Variants in ISY1 observed in about 807,000 individuals in gnomAD.
The protein encoded by ISY1 is pre-mRNA-splicing factor ISY1 homolog.
In ISY1, 12 loss-of-function variants were observed where a neutral mutation model predicts 54.4. That is an observed-to-expected ratio of 0.22 (90% CI 0.14 to 0.36). The LOEUF (loss-of-function observed/expected upper bound fraction) is 0.36. Among genes scored for constraint, ISY1 ranks in the 10% least tolerant of loss-of-function variants. ISY1 has a pLI of 1.00. For synonymous variants in ISY1, 96 were observed against 117.9 expected (o/e 0.81, Z 1.20); for missense variants, 282 against 342.2 (o/e 0.82, Z 1.39).
At chr3:129,144,103 T>C in intron 6 of ISY1, 1 of 419,940 alleles carries the variant, frequency 2.4e-6, no homozygotes, top group South Asian at 1.7e-5. Flanking sequence ...AATGAGCTGC[T>C]TTTAAGCTGC....
chr3:129,130,407 G>A (rs1384484794), intron 10 of ISY1, 143 bp downstream of exon 10: 3 of 1,202,108 alleles, frequency 2.5e-6, no homozygotes, highest in Non-Finnish European at 3.4e-6. Flanking sequence ...CCCACACCCT[G>A]AACACAATGA....
chr3:129,142,262 T>C (rs1272330686), intron 6 of ISY1, among the ~76,000 whole-genome samples: 2 of 149,732 alleles, frequency 1.3e-5, no homozygotes, highest in African/African-American at 4.9e-5. Flanking sequence ...TGACCCCAGA[T>C]CAGGTCCTGT....
intron 7 of ISY1, 86 bp from the exon 8 acceptor site, chr3:129,135,040 C>T (rs555436679): frequency 2.0e-5 from 29 of 1,469,330 alleles, no homozygotes; most frequent in East Asian, 7.8e-5. Context: ...TATACACACA[C>T]GTGGCACGTA....
At chr3:129,134,717 T>A in intron 8 of ISY1, 115 bp downstream of exon 8, 1 of 1,370,238 alleles carries the variant, frequency 7.3e-7, no homozygotes. Flanking sequence ...CTGAAGATCA[T>A]TAGCAACAAA....
rs373512790 is a variant in ISY1 at position 129,156,957 on chromosome 3, T to C, written c.79-37A>G. On this transcript the variant is annotated intron_variant, in intron 3 of 10. Transcript: ENST00000393295. ...AAAATAACACATTTCCATTATACTATTTACAAGTTTCAAACAACATTCAGA... is the reference window on the plus strand; with the variant it reads ...AAAATAACACATTTCCATTATACTACTTACAAGTTTCAAACAACATTCAGA... 17 of 1,608,280 alleles carry C rather than the reference T, an allele frequency of 1.1e-5. No individual in the cohort carries two copies. In the African/African-American group the frequency reaches 2.0e-4, roughly 19 times the overall value.
chr3:129,147,615 A>AT (rs1171889130), intron 5 of ISY1, among the ~76,000 whole-genome samples: 1 of 151,974 alleles, frequency 6.6e-6, no homozygotes, highest in Middle Eastern at 3.4e-3. Flanking sequence ...CACAAGTTTT[A>AT]TTTTTTTTAT....
intron 6 of ISY1, among the ~76,000 whole-genome samples, chr3:129,143,602 TTA>T (rs1292993389): frequency 1.3e-5 from 2 of 151,466 alleles, no homozygotes; most frequent in African/African-American, 4.8e-5. Context: ...CTTGTACAGT[TTA>T]GAGAATAAAG....
chr3:129,158,248 C>CA (rs1437190761), intron 3 of ISY1, among the ~76,000 whole-genome samples: 2 of 151,020 alleles, frequency 1.3e-5, no homozygotes, highest in African/African-American at 4.9e-5. Context: ...AAGACTCCTG[C>CA]ATTCAAGTGA....
At chr3:129,140,555 T>C (rs1936577099) in intron 6 of ISY1, 70 bp from the exon 7 acceptor site, 7 of 1,474,352 alleles carry the variant, frequency 4.7e-6, no homozygotes, top group Non-Finnish European at 2.8e-6. Flanking sequence ...ATTTATTTAT[T>C]TGAGGCGGAG....
chr3:129,155,140 C>T (rs1937098733), intron 5 of ISY1, among the ~76,000 whole-genome samples: 2 of 151,854 alleles, frequency 1.3e-5, no homozygotes, highest in Admixed American at 1.3e-4. Flanking sequence ...AGGGTAGAAG[C>T]TTAGATCACT....
chr3:129,159,007 T>G (rs1937225649), intron 2 of ISY1, 147 bp downstream of exon 2: 10 of 1,078,618 alleles, frequency 9.3e-6, no homozygotes, highest in Admixed American at 2.8e-5. Flanking sequence ...AACAGGAATG[T>G]TTTTGCATAT....
At chr3:129,143,911 C>T (rs116562168) in intron 6 of ISY1, among the ~76,000 whole-genome samples, 4,831 of 152,004 alleles carry the variant, frequency 0.032, 111 homozygotes, top group Non-Finnish European at 0.049. Flanking sequence ...CTTCTTTGTA[C>T]TTTTCTGAAC....
intron 6 of ISY1, 125 bp from the exon 7 acceptor site, chr3:129,140,610 C>T (rs1009850961): frequency 5.6e-6 from 6 of 1,071,858 alleles, no homozygotes; most frequent in Admixed American, 5.4e-5. Flanking sequence ...GAGTCTCGCT[C>T]TGTTGCCCAG....
chr3:129,136,061 A>G (rs1430373478), intron 7 of ISY1, among the ~76,000 whole-genome samples: 1 of 152,166 alleles, frequency 6.6e-6, no homozygotes, highest in Non-Finnish European at 1.5e-5. Flanking sequence ...AAAGCCCTAA[A>G]GAAGATATTT....
intron 2 of ISY1, 114 bp downstream of exon 2, chr3:129,159,036 TAAAG>T (rs1937227856): frequency 1.8e-5 from 23 of 1,313,292 alleles, no homozygotes; most frequent in Non-Finnish European, 2.4e-5. Context: ...ATAACATATG[TAAAG>T]AAAGAAACAG....
chr3:129,159,352 G>A (rs888050689), intron 1 of ISY1, among the ~76,000 whole-genome samples, 176 bp from the exon 2 acceptor site: 32 of 152,216 alleles, frequency 2.1e-4, no homozygotes, highest in African/African-American at 7.7e-4. Context: ...GACCAAGGCT[G>A]CTCCTCCCTC....
At chr3:129,136,510 CT>C (rs376880059) in intron 7 of ISY1, among the ~76,000 whole-genome samples, 26 of 151,576 alleles carry the variant, frequency 1.7e-4, no homozygotes, top group African/African-American at 5.3e-4. Context: ...ATGTTTTTTT[CT>C]TTTTTTTGTG....
chr3:129,149,636 T>TATATATATATACAC (rs759382962), intron 5 of ISY1, among the ~76,000 whole-genome samples: 5 of 54,702 alleles, frequency 9.1e-5, no homozygotes, highest in African/African-American at 2.4e-4. Flanking sequence ...TATATATATA[T>TATATATATATACAC]ACACAAAAAA....
Position 129,134,101 on chromosome 3 carries a change from G to T in ISY1, c.636C>A (p.Ile212=). The change falls in exon 9 of 11, where the codon ATC becomes ATA. Residue 212 remains isoleucine, a synonymous_variant. Coordinates refer to ENST00000393295, the MANE Select transcript of ISY1 (RefSeq NM_020701.4). ...CCTCCTCGGTGACTGCATAGATGTT[G>T]ATCTCTTCCTCCTCTTCCTCCTCCT... ...KEEEEEEEEE[I]NIYAVTEEES... is the part of the protein sequence containing the mutation. The T allele has an allele frequency of 6.2e-7, 1 of 1,614,106 alleles. No individual in the cohort carries two copies.
Sources: gnomAD v4.1 joint callset for allele counts (sites outside exome capture counted in the v4.1 genomes callset) on GRCh38, gnomAD v4.1.1 for gene constraint, MANE v1.5 for transcripts, NCBI Gene and HGNC (gene_info 2026-07-23, HGNC 2026-07-21) for gene names.